Variants in PGLS observed in about 807,000 individuals in gnomAD.
PGLS encodes epididymis secretory protein Li 304.
PGLS carries 21 observed loss-of-function variants against 23.2 expected under a neutral mutation model. The observed-to-expected ratio is 0.91, with a 90% confidence interval of 0.64 to 1.31. The LOEUF (loss-of-function observed/expected upper bound fraction) is 1.31, where lower values mean the gene tolerates loss of function less well. PGLS is among the 50% of genes most tolerant of loss of function. The pLI is 0.00. For missense variants in PGLS, 410 were observed against 354.0 expected (o/e 1.16, Z -1.27); for synonymous variants, 179 against 165.4 (o/e 1.08, Z -0.63).
At chr19:17,520,109 C>T (rs995903103) in intron 4 of PGLS, among the ~76,000 whole-genome samples, 1 of 152,066 alleles carries the variant, frequency 6.6e-6, no homozygotes, top group Non-Finnish European at 1.5e-5. Flanking sequence ...GCCTTGATGC[C>T]GTCACTGTAC....
intron 1 of PGLS, among the ~76,000 whole-genome samples, chr19:17,514,842 G>T (rs2075525589): frequency 2.0e-5 from 3 of 152,174 alleles, no homozygotes; most frequent in Admixed American, 2.0e-4. Flanking sequence ...AGTAGAGGTG[G>T]GATTTCTCCA....
chr19:17,512,014 C>A, intron 1 of PGLS, 54 bp downstream of exon 1: 1 of 1,482,688 alleles, frequency 6.7e-7, no homozygotes, highest in Non-Finnish European at 9.0e-7. Flanking sequence ...CAGCCACCGC[C>A]TACACCCCGG....
intron 4 of PGLS, among the ~76,000 whole-genome samples, chr19:17,520,184 G>C (rs779242333): frequency 6.6e-6 from 1 of 152,036 alleles, no homozygotes; most frequent in Non-Finnish European, 1.5e-5. Context: ...AGTGGGCGGG[G>C]CATGGTGGCT....
chr19:17,517,763 G>T lies in PGLS; in HGVS notation c.552G>T (p.Gln184His). ...GTGACTCCCCGAAGCCACCGCCACAGCGTGTGACCCTCACACTACCTGTCC... is the reference window on the plus strand; with the variant it reads ...GTGACTCCCCGAAGCCACCGCCACATCGTGTGACCCTCACACTACCTGTCC... ...PISDSPKPPP[Q>H]RVTLTLPVLN... The change falls in exon 4 of 5, where the codon CAG (glutamine) becomes CAT (histidine). Residue 184 changes from glutamine to histidine, a missense_variant. Physicochemically the swap from Gln to His is conservative, Grantham distance 24. Coordinates refer to ENST00000252603, the MANE Select transcript of PGLS (RefSeq NM_012088.3). 1.2e-6 allele frequency: 2 copies of T among 1,614,150 alleles called. No individual in the cohort carries two copies. Among genetic ancestry groups the T allele is most frequent in the Non-Finnish European group, 1.7e-6 (2 of 1,180,014 alleles).
At position 17,511,689 on chromosome 19, in the gene PGLS, C is replaced by T. The variant is rs2075506447; in HGVS notation, c.17C>T (p.Pro6Leu). Residue 6 changes from proline (P) to leucine (L), a missense_variant, in exon 1 of 5, where the codon CCG (proline) becomes CTG (leucine). Physicochemically the swap from Pro to Leu is moderately conservative, Grantham distance 98 (BLOSUM62 -3). Coordinates refer to ENST00000252603, the MANE Select transcript of PGLS (RefSeq NM_012088.3). MAAPA[P>L]GLISVFSSSQ... ...GCCCTCGCCATGGCCGCGCCGGCCC[C>T]GGGCCTCATCTCGGTGTTCTCGAGT... is the stretch of plus-strand genomic sequence containing the variant. 3 of 1,502,866 alleles carry T rather than the reference C, an allele frequency of 2.0e-6. No individual in the cohort carries two copies. The highest frequency in any genetic ancestry group is 2.7e-5 in the East Asian group (1 of 36,420). The allele number at this position is 1,502,866 out of a possible 1,614,324, so 93.1% of individuals were successfully genotyped here.
At chr19:17,515,790 A>AC (rs1318183044) in intron 1 of PGLS, 1 of 203,130 alleles carries the variant, frequency 4.9e-6, no homozygotes, top group African/African-American at 2.3e-5. Context: ...TGGCCAGGAA[A>AC]CCCCCCAAAT....
Position 17,517,173 on chromosome 19 carries a change from A to G in PGLS, c.397-115A>G. ...GCTGGGATTTCAGGTGTGAGCCACC[A>G]TGCCCAGCCACAGCTACTTGTATTT... On this transcript the variant is annotated intron_variant, in intron 2 of 4. Transcript: ENST00000252603. 2.8e-6 allele frequency: 2 copies of G among 717,074 alleles called. 1 individual carries two copies. Among genetic ancestry groups the G allele is most frequent in the South Asian group, 3.3e-5 (2 of 60,492 alleles). The allele number at this position is 717,074 out of a possible 1,614,324, so 44.4% of individuals were successfully genotyped here.
At chr19:17,518,617 A>G (rs903046981) in intron 4 of PGLS, 1 of 151,594 alleles carries the variant, frequency 6.6e-6, no homozygotes, top group Non-Finnish European at 1.5e-5. Context: ...TACAATCTCT[A>G]CCTCCCAGGT....
At chr19:17,513,552 C>G (rs1462101200) in intron 1 of PGLS, among the ~76,000 whole-genome samples, 1 of 147,842 alleles carries the variant, frequency 6.8e-6, no homozygotes, top group African/African-American at 2.5e-5. Context: ...GGCGTGGTGG[C>G]TCATACCTGT....
chr19:17,515,518 G>T (rs2075528412), intron 1 of PGLS, among the ~76,000 whole-genome samples: 1 of 152,160 alleles, frequency 6.6e-6, no homozygotes. Flanking sequence ...CATCTACTGT[G>T]CGCTAGCCAC....
rs1411236239 is a variant in PGLS, at chr19:17,511,840, C to T, written c.168C>T (p.Arg56=). The T allele has an allele frequency of 1.3e-6, 2 of 1,529,192 alleles. No individual in the cohort carries two copies. The highest frequency in any genetic ancestry group is 1.8e-6 in the Non-Finnish European group (2 of 1,141,902). 94.7% of individuals were successfully genotyped at this position (1,529,192 alleles called of 1,614,324 possible). A position where few individuals can be genotyped will look rare whatever the true frequency, so the allele number is the denominator to read the frequency against. Residue 56 remains arginine, a synonymous_variant, in exon 1 of 5, where the codon CGC becomes CGT. Transcript: ENST00000252603. ...SGGSLVSMLA[R]ELPAAVAPAG... is the part of the protein sequence containing the mutation. ...GGAGCCTCGTCTCGATGCTAGCCCG[C>T]GAGCTACCCGCCGCCGTCGCCCCTG...
rs868535780 is a variant in PGLS at position 17,519,689 on chromosome 19, C to T, written c.640-1255C>T. ...TGCTGGGATTACAGGCATGAACCACCGCACCCGGCCCAGAAAAGTTTTATT... is the reference window on the plus strand; with the variant it reads ...TGCTGGGATTACAGGCATGAACCACTGCACCCGGCCCAGAAAAGTTTTATT... On this transcript the variant is annotated intron_variant, in intron 4 of 4. Coordinates refer to ENST00000252603, the MANE Select transcript of PGLS (RefSeq NM_012088.3). 6.6e-5 allele frequency among the ~76,000 whole-genome samples: 10 copies of T among 152,230 alleles called. No homozygotes were observed. The South Asian group carries it at 1.2e-3, about 19-fold the overall frequency.
intron 4 of PGLS, among the ~76,000 whole-genome samples, chr19:17,519,961 C>G (rs965958186): frequency 6.6e-6 from 1 of 151,900 alleles, no homozygotes; most frequent in African/African-American, 2.4e-5. Flanking sequence ...TGAGACTAGT[C>G]TTGGCAACAT....
At chr19:17,519,927 G>C (rs756529834) in intron 4 of PGLS, among the ~76,000 whole-genome samples, 20 of 152,164 alleles carry the variant, frequency 1.3e-4, no homozygotes, top group Non-Finnish European at 2.1e-4. Context: ...GCTGAGGCAG[G>C]AGGATTGCTT....
At chr19:17,517,449 C>A in intron 3 of PGLS, 60 bp downstream of exon 3, 1 of 1,358,726 alleles carries the variant, frequency 7.4e-7, no homozygotes, top group Non-Finnish European at 1.0e-6. Flanking sequence ...ACATCTGGGA[C>A]TTCCAGAGGG....
intron 1 of PGLS, chr19:17,515,879 A>G: frequency 3.4e-6 from 1 of 294,162 alleles, no homozygotes; most frequent in Admixed American, 4.0e-5. Context: ...CAGGAGGGCC[A>G]CCCTCCCGTC....
intron 1 of PGLS, 90 bp downstream of exon 1, chr19:17,512,050 C>T: frequency 7.5e-7 from 1 of 1,336,188 alleles, no homozygotes. Flanking sequence ...GGGGCCATGC[C>T]GAAAGGGCCG....
At chr19:17,520,917 G>A in intron 4 of PGLS, 27 bp from the exon 5 acceptor site, 2 of 1,566,354 alleles carry the variant, frequency 1.3e-6, no homozygotes, top group Non-Finnish European at 1.7e-6. Context: ...CGCAGGCAGG[G>A]CCTTACTCTT....
intron 1 of PGLS, chr19:17,512,204 C>A (rs567032996): frequency 1.2e-5 from 6 of 517,758 alleles, no homozygotes; most frequent in Non-Finnish European, 1.7e-5. Context: ...GCTACGGGGG[C>A]CACTGGGGGT....
Sources: allele counts gnomAD v4.1 joint callset (sites outside exome capture counted in the v4.1 genomes callset), GRCh38; gene constraint gnomAD v4.1.1; transcripts MANE v1.5; gene names NCBI Gene and HGNC (gene_info 2026-07-23, HGNC 2026-07-21).